Variants in C1orf141 observed in about 807,000 individuals in gnomAD.
The protein encoded by C1orf141 is uncharacterized protein C1orf141.
A neutral mutation model predicts 23.2 loss-of-function variants in C1orf141; 19 were observed. That is an observed-to-expected ratio of 0.82 (90% CI 0.57 to 1.20). The LOEUF is 1.20. C1orf141 is among the 50% of genes most tolerant of loss of function. The pLI is 0.00. For synonymous variants in C1orf141, 153 were observed against 154.6 expected (o/e 0.99, Z 0.08); for missense variants, 469 against 455.1 (o/e 1.03, Z -0.28).
intron 5 of C1orf141, among the ~76,000 whole-genome samples, chr1:67,112,103 A>G (rs1018560125): frequency 6.6e-6 from 1 of 152,192 alleles, no homozygotes; most frequent in African/African-American, 2.4e-5. Context: ...TTGGACTTAG[A>G]TAGCCTGGGT....
At chr1:67,125,934 A>G (rs1358228100) in intron 3 of C1orf141, 25 bp from the exon 4 acceptor site, 3 of 1,485,040 alleles carry the variant, frequency 2.0e-6, no homozygotes. Context: ...AAGTGAAAAA[A>G]AAAAAAAAAA....
chr1:67,101,703 T>C (rs1645804422), intron 5 of C1orf141, among the ~76,000 whole-genome samples: 1 of 152,132 alleles, frequency 6.6e-6, no homozygotes, highest in Admixed American at 6.6e-5. Context: ...CTATTTTCTT[T>C]TTGTGTTATT....
intron 5 of C1orf141, among the ~76,000 whole-genome samples, chr1:67,112,918 G>A (rs2102460454): frequency 6.6e-6 from 1 of 152,294 alleles, no homozygotes; most frequent in South Asian, 2.1e-4. Flanking sequence ...AGGCAGAGGG[G>A]AAAATATATA....
In C1orf141 at chr1:67,093,641, C is replaced by T; in HGVS notation, c.604-37G>A. ...AGAAAAGAATAATTAGTCATAAGTTCATTGAGTCAAGAAAGCTCCATATAT... is the reference window on the plus strand; with the variant it reads ...AGAAAAGAATAATTAGTCATAAGTTTATTGAGTCAAGAAAGCTCCATATAT... On this transcript the variant is annotated intron_variant, in intron 7 of 7. Coordinates refer to ENST00000684719, the MANE Select transcript of C1orf141 (RefSeq NM_001276351.2). 4 of 1,466,036 alleles carry T rather than the reference C, an allele frequency of 2.7e-6. No individual in the cohort carries two copies. In the East Asian group the frequency reaches 7.0e-5, roughly 25 times the overall value. The allele number at this position is 1,466,036 out of a possible 1,614,324, so 90.8% of individuals were successfully genotyped here.
intron 3 of C1orf141, among the ~76,000 whole-genome samples, chr1:67,126,378 T>C (rs1234178441): frequency 2.0e-5 from 3 of 152,162 alleles, no homozygotes; most frequent in Non-Finnish European, 2.9e-5. Context: ...AAAATCCTTA[T>C]ACAAATGGAT....
intron 5 of C1orf141, among the ~76,000 whole-genome samples, chr1:67,104,175 A>ACAATCTAC (rs1452110279): frequency 6.6e-6 from 1 of 152,186 alleles, no homozygotes; most frequent in Admixed American, 6.5e-5. Context: ...ACCAATCAAT[A>ACAATCTAC]CAATCTACAA....
At chr1:67,136,536 T>C (rs558225452), upstream of C1orf141, among the ~76,000 whole-genome samples, 1 of 152,348 alleles carries the variant, frequency 6.6e-6, no homozygotes, top group South Asian at 2.1e-4. Flanking sequence ...TAGCTACTCA[T>C]TAATCTTCAG....
chr1:67,139,673 T>C (rs1434403801), upstream of C1orf141, among the ~76,000 whole-genome samples: 5 of 152,224 alleles, frequency 3.3e-5, no homozygotes, highest in Admixed American at 1.3e-4. Flanking sequence ...TGAACTTTAA[T>C]CTCCAGTGTG....
chr1:67,131,687 C>G (rs1381549002), intron 1 of C1orf141, among the ~76,000 whole-genome samples: 2 of 152,114 alleles, frequency 1.3e-5, no homozygotes, highest in African/African-American at 2.4e-5. Context: ...CTCAAGCACA[C>G]CATTCACTCC....
At chr1:67,103,289 T>C in intron 5 of C1orf141, 1 of 1,489,452 alleles carries the variant, frequency 6.7e-7, no homozygotes, top group Middle Eastern at 1.7e-4. Context: ...GACTGAATGT[T>C]GAACATAGGA....
intron 5 of C1orf141, among the ~76,000 whole-genome samples, chr1:67,100,718 T>C (rs1358305952): frequency 1.3e-5 from 2 of 151,792 alleles, no homozygotes; most frequent in South Asian, 2.1e-4. Context: ...TCTGGGCTTA[T>C]TATTTGTCCA....
upstream of C1orf141, among the ~76,000 whole-genome samples, chr1:67,138,248 G>T (rs572456273): frequency 1.3e-4 from 19 of 151,958 alleles, no homozygotes; most frequent in Non-Finnish European, 4.4e-5. Flanking sequence ...GCTCTAACAG[G>T]TCCTCTCTGA....
chr1:67,095,159 A>T (rs563015962), intron 7 of C1orf141, 76 bp downstream of exon 7: 32 of 834,046 alleles, frequency 3.8e-5, no homozygotes, highest in Non-Finnish European at 5.9e-5. Context: ...GATTCTGGTC[A>T]CTAAAATATA....
chr1:67,124,285 T>C (rs967943813), intron 4 of C1orf141, among the ~76,000 whole-genome samples: 1 of 151,452 alleles, frequency 6.6e-6, no homozygotes, highest in Non-Finnish European at 1.5e-5. Flanking sequence ...TAAGTAGGAG[T>C]GGTCTTAGAT....
intron 4 of C1orf141, among the ~76,000 whole-genome samples, chr1:67,119,964 GC>G: frequency 6.6e-6 from 1 of 152,330 alleles, no homozygotes; most frequent in African/African-American, 2.4e-5. Context: ...TAAGACCCCT[GC>G]CCAGTGGAGC....
At chr1:67,132,913 A>C (rs1646540909) in intron 1 of C1orf141, among the ~76,000 whole-genome samples, 1 of 152,172 alleles carries the variant, frequency 6.6e-6, no homozygotes, top group Non-Finnish European at 1.5e-5. Flanking sequence ...TTTGTTTTTA[A>C]AGAACACAAT....
At chr1:67,127,390 A>T in intron 2 of C1orf141, 133 bp from the exon 3 acceptor site, 2 of 571,938 alleles carry the variant, frequency 3.5e-6, no homozygotes, top group South Asian at 4.9e-5. Flanking sequence ...TCATACAGTA[A>T]ATCATAGAAT....
intron 4 of C1orf141, among the ~76,000 whole-genome samples, chr1:67,119,548 A>T (rs1262339642): frequency 6.6e-6 from 1 of 152,242 alleles, no homozygotes; most frequent in East Asian, 1.9e-4. Flanking sequence ...CTCATATTAC[A>T]AAAGAATGAA....
upstream of C1orf141, among the ~76,000 whole-genome samples, chr1:67,135,247 C>T (rs1646575347): frequency 6.6e-6 from 1 of 152,234 alleles, no homozygotes; most frequent in Non-Finnish European, 1.5e-5. Flanking sequence ...CTTATTGTAC[C>T]TCCTTTCTCC....
Sources: allele counts gnomAD v4.1 joint callset (sites outside exome capture counted in the v4.1 genomes callset), GRCh38; gene constraint gnomAD v4.1.1; transcripts MANE v1.5; gene names NCBI Gene and HGNC (gene_info 2026-07-23, HGNC 2026-07-21).